ZC3H14: variants seen among roughly 807,000 people sequenced by gnomAD.
ZC3H14 encodes zinc finger CCCH domain-containing protein 14.
ZC3H14 carries 31 observed loss-of-function variants against 92.4 expected under a neutral mutation model. The observed-to-expected ratio is 0.34, with a 90% CI of 0.25 to 0.45. ZC3H14 has a LOEUF of 0.45. ZC3H14 is among the 20% of genes least tolerant of loss of function. The probability of loss-of-function intolerance (pLI) is 1.00; values close to 1 mark genes in which losing one functional copy is unlikely to be tolerated. For synonymous variants in ZC3H14, 321 were observed against 300.9 expected (o/e 1.07, Z -0.69); for missense variants, 781 against 897.3 (o/e 0.87, Z 1.66).
At position 88,621,282 on chromosome 14, in the gene ZC3H14, G is replaced by T. The variant is rs568113437; in HGVS notation, c.*9531G>T. The T allele has an allele frequency of 6.2e-7, 1 of 1,613,778 alleles. No homozygotes were observed. Among genetic ancestry groups the T allele is most frequent in the East Asian group, 2.2e-5 (1 of 44,866 alleles). On this transcript the variant is annotated 3_prime_UTR_variant, in exon 17 of 17. Coordinates refer to ENST00000251038, the MANE Select transcript of ZC3H14 (RefSeq NM_024824.5). Reference sequence around the variant, plus strand: ...AACTTCGATTATTTCAGCATTCCTTGTCCCAACAAGGATCTTGCCCTGAAA... The same window carrying T: ...AACTTCGATTATTTCAGCATTCCTTTTCCCAACAAGGATCTTGCCCTGAAA...
intron 2 of ZC3H14, among the ~76,000 whole-genome samples, chr14:88,565,285 G>A (rs1166738534): frequency 6.6e-6 from 1 of 151,972 alleles, no homozygotes; most frequent in East Asian, 1.9e-4. Flanking sequence ...GGGATTACAG[G>A]CATCTGCCAC....
In ZC3H14 at chr14:88,614,435, C is replaced by A. The variant is rs180690568; in HGVS notation, c.*2684C>A. 1 of 152,098 alleles carries A rather than the reference C, an allele frequency of 6.6e-6. No individual in the cohort carries two copies. Among genetic ancestry groups the A allele is most frequent in the Non-Finnish European group, 1.5e-5 (1 of 68,010 alleles). The allele number at this position is 152,098 out of a possible 1,614,324, so 9.4% of individuals were successfully genotyped here. On this transcript the variant is annotated 3_prime_UTR_variant, in exon 17 of 17. Transcript: ENST00000251038. ...TTTCTGTGATGTAATTTAGTCATTT[C>A]TATTTTTAGTATTAACCAAGTATTA...
chr14:88,573,146 C>T (rs1159788669), intron 6 of ZC3H14, 139 bp downstream of exon 6: 34 of 949,592 alleles, frequency 3.6e-5, no homozygotes, highest in South Asian at 2.2e-4. Context: ...TTTGGGAGGC[C>T]GAGGCGGGTG....
At position 88,612,483 on chromosome 14, in the gene ZC3H14, G is replaced by A. The variant is rs2086933211; in HGVS notation, c.*732G>A. ...AATGCCTTCTAAATAATTTTTTTGG[G>A]AAACTACATTATCACAAAATTATAC... On this transcript the variant is annotated 3_prime_UTR_variant, in exon 17 of 17. Transcript: ENST00000251038. 1 of 152,110 alleles carries A rather than the reference G, an allele frequency of 6.6e-6. No individual in the cohort carries two copies. The highest frequency in any genetic ancestry group is 1.5e-5 in the Non-Finnish European group (1 of 68,012). 9.4% of individuals were successfully genotyped at this position (152,110 alleles called of 1,614,324 possible). A position where few individuals can be genotyped will look rare whatever the true frequency, so the allele number is the denominator to read the frequency against.
At chr14:88,580,143 C>G (rs1272435802) in intron 9 of ZC3H14, among the ~76,000 whole-genome samples, 1 of 152,016 alleles carries the variant, frequency 6.6e-6, no homozygotes, top group Non-Finnish European at 1.5e-5. Flanking sequence ...GGGAGGATTG[C>G]TGGAGCCCAG....
intron 15 of ZC3H14, among the ~76,000 whole-genome samples, chr14:88,610,543 C>T (rs1207273398): frequency 2.0e-5 from 3 of 151,556 alleles, no homozygotes; most frequent in Admixed American, 1.3e-4. Flanking sequence ...TGGGTCAGGC[C>T]TGCTATCCTA....
intron 12 of ZC3H14, among the ~76,000 whole-genome samples, chr14:88,605,985 G>T (rs1473350854): frequency 6.6e-6 from 1 of 152,176 alleles, no homozygotes; most frequent in East Asian, 1.9e-4. Context: ...GGCAGAGTCA[G>T]ATTTTAACTG....
Position 88,616,444 on chromosome 14 carries a change from C to CT in ZC3H14, c.*4694dup. The CT allele has an allele frequency of 1.6e-6, 1 of 619,950 alleles. No individual in the cohort carries two copies. The highest frequency in any genetic ancestry group is 2.8e-5 in the East Asian group (1 of 35,778). 38.4% of individuals were successfully genotyped at this position (619,950 alleles called of 1,614,324 possible). A position where few individuals can be genotyped will look rare whatever the true frequency, so the allele number is the denominator to read the frequency against. ...GGGCAGTCAGATGTCTCCAGGTACTCTGACCATTTTTCTCTAAGGAAAAGC... is the reference window on the plus strand; with the variant it reads ...GGGCAGTCAGATGTCTCCAGGTACTCTTGACCATTTTTCTCTAAGGAAAAGC... On this transcript the variant is annotated 3_prime_UTR_variant, in exon 17 of 17. Coordinates refer to ENST00000251038, the MANE Select transcript of ZC3H14 (RefSeq NM_024824.5).
At chr14:88,568,238 T>C (rs2079948950) in intron 3 of ZC3H14, 85 bp downstream of exon 3, 1 of 1,126,782 alleles carries the variant, frequency 8.9e-7, no homozygotes, top group Admixed American at 1.9e-5. Flanking sequence ...TTCTTGACAC[T>C]TGAGTTAGGT....
At position 88,572,181 on chromosome 14, in the gene ZC3H14, C is replaced by A; in HGVS notation, c.387C>A (p.Ser129=). The A allele has an allele frequency of 6.2e-7, 1 of 1,614,068 alleles. No homozygotes were observed. The highest frequency in any genetic ancestry group is 8.5e-7 in the Non-Finnish European group (1 of 1,180,016). The change falls in exon 5 of 17, where the codon TCC becomes TCA. Residue 129 remains serine, a synonymous_variant. Coordinates refer to ENST00000251038, the MANE Select transcript of ZC3H14 (RefSeq NM_024824.5). The part of the protein sequence containing the change: ...IPSARPEKRD[S]RVSTSSQESK... ...GCGCGAGACCTGAAAAAAGAGATTC[C>A]AGAGTTTCTACAAGTTCGCAGGAGT...
In ZC3H14 at chr14:88,620,642, G is replaced by GGGAAAA; in HGVS notation, c.*8891_*8892insGGAAAA. The GGGAAAA allele has an allele frequency of 1.2e-6, 1 of 813,596 alleles. No individual in the cohort carries two copies. Among genetic ancestry groups the GGGAAAA allele is most frequent in the East Asian group, 3.0e-5 (1 of 33,548 alleles). The allele number at this position is 813,596 out of a possible 1,614,324, so 50.4% of individuals were successfully genotyped here. On this transcript the variant is annotated 3_prime_UTR_variant, in exon 17 of 17. Transcript: ENST00000251038. The surrounding 1 kb of genome is among the most constrained non-coding windows in gnomAD (Gnocchi z 4.3). ...TTTTAGCATACAATTTATAATACGG[G>GGGAAAA]AAATGCTACAGGCCCTGGGGACCTC...
At chr14:88,576,473 A>G (rs1566911136) in intron 8 of ZC3H14, among the ~76,000 whole-genome samples, 1 of 152,242 alleles carries the variant, frequency 6.6e-6, no homozygotes, top group Non-Finnish European at 1.5e-5. Context: ...ATTTTATGAG[A>G]GAATATAAAA....
intron 9 of ZC3H14, among the ~76,000 whole-genome samples, chr14:88,580,626 C>A (rs1421181680): frequency 6.6e-6 from 1 of 152,034 alleles, no homozygotes; most frequent in African/African-American, 2.4e-5. Flanking sequence ...GTAGGAATCT[C>A]CAAAGAAACA....
chr14:88,600,193 C>T (rs550469819), intron 10 of ZC3H14, among the ~76,000 whole-genome samples: 15 of 152,334 alleles, frequency 9.8e-5, no homozygotes, highest in African/African-American at 3.6e-4. Flanking sequence ...GCCTGTCTCC[C>T]TTTACCATCT....
chr14:88,576,175 C>T (rs137862085), intron 8 of ZC3H14, among the ~76,000 whole-genome samples: 1 of 152,096 alleles, frequency 6.6e-6, no homozygotes. Context: ...TTATATCTTT[C>T]CAATGTGTGT....
intron 12 of ZC3H14, among the ~76,000 whole-genome samples, chr14:88,604,518 C>G (rs911737766): frequency 2.0e-5 from 3 of 151,922 alleles, no homozygotes; most frequent in Non-Finnish European, 4.4e-5. Context: ...AAGGATGCTA[C>G]CAACAACAAC....
chr14:88,607,005 G>A (rs1421640955), intron 12 of ZC3H14, among the ~76,000 whole-genome samples: 7 of 152,082 alleles, frequency 4.6e-5, no homozygotes, highest in Non-Finnish European at 1.0e-4. Context: ...AAATTTGGCC[G>A]TAGTTGCAGA....
chr14:88,604,667 C>T (rs2085111289), intron 12 of ZC3H14, among the ~76,000 whole-genome samples: 1 of 150,972 alleles, frequency 6.6e-6, no homozygotes, highest in Non-Finnish European at 1.5e-5. Flanking sequence ...CATCTCAGCT[C>T]ACTGCAACTT....
At position 88,619,403 on chromosome 14, in the gene ZC3H14, G is replaced by A. The variant is rs1265208823; in HGVS notation, c.*7652G>A. The A allele has an allele frequency of 1.3e-5, 2 of 152,344 alleles. No homozygotes were observed. Among genetic ancestry groups the A allele is most frequent in the Admixed American group, 1.3e-4 (2 of 15,278 alleles). 9.4% of individuals were successfully genotyped at this position (152,344 alleles called of 1,614,324 possible). On this transcript the variant is annotated 3_prime_UTR_variant, in exon 17 of 17. Coordinates refer to ENST00000251038, the MANE Select transcript of ZC3H14 (RefSeq NM_024824.5). ...AACAAAATTTAATTTTTTAAATAGA[G>A]GCGGGGTCTCACTATGGTCCCAAAC...
Sources: allele counts gnomAD v4.1 joint callset (sites outside exome capture counted in the v4.1 genomes callset), GRCh38; gene constraint gnomAD v4.1.1; non-coding constraint Gnocchi (gnomAD v3.1); transcripts MANE v1.5; gene names NCBI Gene and HGNC (gene_info 2026-07-23, HGNC 2026-07-21).